The following MACROD2 variants were observed in gnomAD, a reference collection of about 807,000 sequenced individuals.
The protein encoded by MACROD2 is mono-ADP ribosylhydrolase 2, also known as ADP-ribose glycohydrolase MACROD2.
A neutral mutation model predicts 70.4 loss-of-function variants in MACROD2; 36 were observed. The ratio of observed to expected loss-of-function variants is 0.51; its 90% CI spans 0.39 to 0.68. MACROD2 has a LOEUF of 0.68. MACROD2 is among the 30% of genes least tolerant of loss of function. MACROD2 has a pLI of 0.00. For missense variants in MACROD2, 496 were observed against 538.4 expected (o/e 0.92, Z 0.78); for synonymous variants, 172 against 178.8 (o/e 0.96, Z 0.30).
chr20:15,493,755 C>G (rs61421571), intron 7 of MACROD2, among the ~76,000 whole-genome samples: 1 of 152,298 alleles, frequency 6.6e-6, no homozygotes, highest in East Asian at 1.9e-4. Flanking sequence ...TGGAACCATT[C>G]TGGGTTTTCA....
At chr20:14,572,051 C>A (rs950032235) in intron 4 of MACROD2, among the ~76,000 whole-genome samples, 2 of 152,018 alleles carry the variant, frequency 1.3e-5, no homozygotes, top group African/African-American at 4.8e-5. Context: ...CATAGGATCC[C>A]AGACCTCTTG....
At chr20:15,159,719 A>G (rs1450782728) in intron 5 of MACROD2, among the ~76,000 whole-genome samples, 1 of 151,760 alleles carries the variant, frequency 6.6e-6, no homozygotes, top group Non-Finnish European at 1.5e-5. Context: ...GGAGTTTATA[A>G]TCTAGTAGAG....
chr20:14,298,691 T>A (rs1329867950), intron 3 of MACROD2, among the ~76,000 whole-genome samples: 1 of 151,704 alleles, frequency 6.6e-6, no homozygotes, highest in Admixed American at 6.6e-5. Context: ...CCATTCTAGA[T>A]AAGAACATTT....
At chr20:15,246,076 A>G (rs932962733) in intron 6 of MACROD2, among the ~76,000 whole-genome samples, 3 of 152,242 alleles carry the variant, frequency 2.0e-5, no homozygotes, top group Non-Finnish European at 4.4e-5. Context: ...GTCCTAAAAC[A>G]ATCTAAAGAA....
At chr20:14,018,180 T>C (rs964940928) in intron 2 of MACROD2, among the ~76,000 whole-genome samples, 2 of 152,280 alleles carry the variant, frequency 1.3e-5, no homozygotes, top group Non-Finnish European at 1.5e-5. Flanking sequence ...TCTTATTTTC[T>C]TAATCAATAC....
At chr20:15,895,051 C>T (rs1199669299) in intron 10 of MACROD2, among the ~76,000 whole-genome samples, 1 of 152,182 alleles carries the variant, frequency 6.6e-6, no homozygotes, top group African/African-American at 2.4e-5. Flanking sequence ...TAACCTATGT[C>T]AAAAGTTGTT....
intron 3 of MACROD2, among the ~76,000 whole-genome samples, chr20:14,286,305 T>G (rs2082344679): frequency 6.6e-6 from 1 of 152,174 alleles, no homozygotes. Flanking sequence ...CTTTAGTTTT[T>G]CATTAGTTTC....
intron 3 of MACROD2, among the ~76,000 whole-genome samples, chr20:14,413,231 G>A (rs1454418074): frequency 1.3e-5 from 2 of 148,626 alleles, no homozygotes; most frequent in Admixed American, 6.7e-5. Context: ...GTACGTGCGT[G>A]TGTACCTATT....
At chr20:15,640,451 G>A (rs74629761) in intron 8 of MACROD2, among the ~76,000 whole-genome samples, 3,161 of 152,234 alleles carry the variant, frequency 0.021, 103 homozygotes, top group African/African-American at 0.071. Flanking sequence ...CTCTGCTCTT[G>A]AGAGGATATT....
rs183642516 is a variant in MACROD2, at chr20:15,721,875, C to T, written c.646-140870C>T. Among the ~76,000 whole-genome samples the T allele has an allele frequency of 3.9e-5, 6 of 152,286 alleles. No homozygotes were observed. In the East Asian group the frequency reaches 7.7e-4, roughly 20 times the overall value. Reference sequence around the variant, plus strand: ...AAAACAGGAGCCCCTGATTGCGTCACATTTTTCTTCTCTAAAAATAACTAC... The same window carrying T: ...AAAACAGGAGCCCCTGATTGCGTCATATTTTTCTTCTCTAAAAATAACTAC... On this transcript the variant is annotated intron_variant, in intron 8 of 17. Transcript: ENST00000684519.
At chr20:15,481,061 G>C (rs189809568) in intron 7 of MACROD2, among the ~76,000 whole-genome samples, 214 of 152,280 alleles carry the variant, frequency 1.4e-3, no homozygotes, top group Middle Eastern at 6.8e-3. Context: ...TCTAACCATA[G>C]CATTCTTCAA....
chr20:14,142,231 G>A lies in MACROD2; in HGVS notation c.271+56503G>A, dbSNP rs149829785. On this transcript the variant is annotated intron_variant, in intron 3 of 17. Transcript: ENST00000684519. The stretch of plus-strand genomic sequence containing the variant: ...AGATTTAAAGAAGTGTTAGGTGGTG[G>A]CCTTGGTGCTTCAGTGGCTATCAGG... 7.1e-4 allele frequency among the ~76,000 whole-genome samples: 108 copies of A among 152,172 alleles called. 1 individual carries two copies. In the East Asian group the frequency reaches 0.02, roughly 28 times the overall value.
At chr20:14,973,091 G>C (rs999738975) in intron 5 of MACROD2, among the ~76,000 whole-genome samples, 3 of 152,096 alleles carry the variant, frequency 2.0e-5, no homozygotes, top group Non-Finnish European at 4.4e-5. Context: ...ATGAGGCTGA[G>C]AAATTTATCA....
intron 7 of MACROD2, among the ~76,000 whole-genome samples, chr20:15,448,658 TG>T (rs2046601445): frequency 6.6e-6 from 1 of 152,166 alleles, no homozygotes; most frequent in Non-Finnish European, 1.5e-5. Flanking sequence ...CTTTTGGGCT[TG>T]TCCTGACAAC....
At chr20:15,783,916 G>A (rs1600886244) in intron 8 of MACROD2, among the ~76,000 whole-genome samples, 3 of 152,150 alleles carry the variant, frequency 2.0e-5, no homozygotes, top group Non-Finnish European at 4.4e-5. Context: ...CACTTCACAC[G>A]GATGCTGACC....
intron 15 of MACROD2, among the ~76,000 whole-genome samples, chr20:16,004,462 G>A (rs1031561137): frequency 2.6e-5 from 4 of 152,208 alleles, no homozygotes; most frequent in African/African-American, 7.2e-5. Context: ...TCCTTGTTAT[G>A]CCAGGGCCAC....
At chr20:15,396,758 G>C (rs1029691452) in intron 6 of MACROD2, among the ~76,000 whole-genome samples, 3 of 152,076 alleles carry the variant, frequency 2.0e-5, no homozygotes, top group Non-Finnish European at 4.4e-5. Context: ...ATTCCTTCCC[G>C]CTGGGACATT....
At chr20:15,613,453 T>G (rs2048997640) in intron 8 of MACROD2, among the ~76,000 whole-genome samples, 1 of 152,214 alleles carries the variant, frequency 6.6e-6, no homozygotes, top group East Asian at 1.9e-4. Flanking sequence ...TGCTTAGACA[T>G]CAAACCTTCA....
chr20:14,043,095 T>G (rs1312901689), intron 2 of MACROD2, among the ~76,000 whole-genome samples: 1 of 152,174 alleles, frequency 6.6e-6, no homozygotes, highest in East Asian at 1.9e-4. Context: ...ATTTTTAAAT[T>G]TTTTTGTAGA....
Sources: gnomAD v4.1 joint callset for allele counts (sites outside exome capture counted in the v4.1 genomes callset) on GRCh38, gnomAD v4.1.1 for gene constraint, MANE v1.5 for transcripts, NCBI Gene and HGNC (gene_info 2026-07-23, HGNC 2026-07-21) for gene names.